The following RSPO2 variants were observed in gnomAD, a reference collection of about 807,000 sequenced individuals.
RSPO2 encodes R-spondin-2.
A neutral mutation model predicts 30.9 loss-of-function variants in RSPO2; 14 were observed. The observed-to-expected ratio is 0.45, with a 90% CI of 0.30 to 0.71. RSPO2 has a LOEUF of 0.71. RSPO2 is among the 30% of genes least tolerant of loss of function. The pLI, the probability that RSPO2 is intolerant of heterozygous loss-of-function variation, is 0.08. For missense variants in RSPO2, 264 were observed against 301.9 expected (o/e 0.87, Z 0.93); for synonymous variants, 107 against 96.4 (o/e 1.11, Z -0.64).
At position 108,048,051 on chromosome 8, in the gene RSPO2, G is replaced by T. The variant is rs556812249; in HGVS notation, c.94+34494C>A. 3.9e-5 allele frequency among the ~76,000 whole-genome samples: 6 copies of T among 152,026 alleles called. No homozygotes were observed. In the South Asian group the frequency reaches 8.3e-4, roughly 21 times the overall value. On this transcript the variant is annotated intron_variant, in intron 2 of 5. Transcript: ENST00000276659. ...TTTATTATGTGCTAAGTACTATGCC[G>T]CGTGCTTCTTAGGTATTGCTATTGA... is the stretch of plus-strand genomic sequence containing the variant.
At chr8:107,914,130 A>C (rs909876322) in intron 5 of RSPO2, among the ~76,000 whole-genome samples, 1 of 152,144 alleles carries the variant, frequency 6.6e-6, no homozygotes. Flanking sequence ...TTGACATATA[A>C]AGAGTATCAG....
chr8:107,943,925 G>A (rs1812976575), intron 5 of RSPO2, among the ~76,000 whole-genome samples: 1 of 152,192 alleles, frequency 6.6e-6, no homozygotes, highest in Admixed American at 6.5e-5. Flanking sequence ...AGAACAGAGG[G>A]AGAGGGGGAC....
chr8:107,947,782 A>G (rs1813113875), intron 5 of RSPO2, among the ~76,000 whole-genome samples: 1 of 152,246 alleles, frequency 6.6e-6, no homozygotes, highest in Admixed American at 6.5e-5. Flanking sequence ...TACACAAGGT[A>G]AAATTCAAAC....
chr8:107,955,272 C>T (rs1346899435), intron 5 of RSPO2, among the ~76,000 whole-genome samples: 1 of 152,006 alleles, frequency 6.6e-6, no homozygotes, highest in African/African-American at 2.4e-5. Flanking sequence ...CCTCAGAGAT[C>T]ACCTATCCCC....
At position 108,057,517 on chromosome 8, in the gene RSPO2, C is replaced by T. The variant is rs543121220; in HGVS notation, c.94+25028G>A. Among the ~76,000 whole-genome samples, 64 of 152,244 alleles carry T rather than the reference C, an allele frequency of 4.2e-4. No individual in the cohort carries two copies. In the South Asian group the frequency reaches 0.013, roughly 31 times the overall value. ...CAAGGACAGTGTAAAGTCTTTACTA[C>T]CTGCTTCCAAGACAAACACCTAAAT... On this transcript the variant is annotated intron_variant, in intron 2 of 5. Transcript: ENST00000276659.
chr8:108,044,117 G>T (rs893510567), intron 2 of RSPO2, among the ~76,000 whole-genome samples: 1 of 151,442 alleles, frequency 6.6e-6, no homozygotes, highest in African/African-American at 2.4e-5. Context: ...TACCTAAAGT[G>T]GGTTTACAGT....
chr8:108,019,286 G>A (rs1442753997), intron 2 of RSPO2, among the ~76,000 whole-genome samples: 1 of 152,050 alleles, frequency 6.6e-6, no homozygotes, highest in Non-Finnish European at 1.5e-5. Context: ...CTCAGGAGAT[G>A]GAGGTTGCAG....
At chr8:107,962,261 A>T (rs1320590148) in intron 3 of RSPO2, among the ~76,000 whole-genome samples, 6 of 152,208 alleles carry the variant, frequency 3.9e-5, no homozygotes. Flanking sequence ...GATTTCAGTG[A>T]TTTAAAGGCT....
intron 5 of RSPO2, among the ~76,000 whole-genome samples, chr8:107,949,186 T>A (rs1003346805): frequency 6.6e-6 from 1 of 152,256 alleles, no homozygotes; most frequent in Admixed American, 6.5e-5. Context: ...TCCCCAAAGT[T>A]CATTATTTCA....
intron 3 of RSPO2, among the ~76,000 whole-genome samples, chr8:107,981,669 T>C (rs1224341740): frequency 6.6e-6 from 1 of 152,134 alleles, no homozygotes; most frequent in Admixed American, 6.6e-5. Context: ...TTCTTATATG[T>C]TAAAAATTAC....
At chr8:107,985,050 C>G (rs1359742565) in intron 3 of RSPO2, among the ~76,000 whole-genome samples, 1 of 152,086 alleles carries the variant, frequency 6.6e-6, no homozygotes, top group Non-Finnish European at 1.5e-5. Context: ...AAAAGGGGAG[C>G]AGTGACTCTG....
chr8:107,901,849 G>A (rs953135344), intron 5 of RSPO2, among the ~76,000 whole-genome samples: 4 of 152,232 alleles, frequency 2.6e-5, no homozygotes, highest in Admixed American at 2.0e-4. Flanking sequence ...CTGGTGGTAT[G>A]TGTCTAACTA....
At chr8:107,974,952 C>T (rs1297628590) in intron 3 of RSPO2, among the ~76,000 whole-genome samples, 1 of 151,946 alleles carries the variant, frequency 6.6e-6, no homozygotes, top group Non-Finnish European at 1.5e-5. Context: ...TTTCTTTAAC[C>T]GATGCAGTAA....
chr8:108,051,496 C>T (rs1005362796), intron 2 of RSPO2, among the ~76,000 whole-genome samples: 1 of 152,176 alleles, frequency 6.6e-6, no homozygotes, highest in Non-Finnish European at 1.5e-5. Flanking sequence ...GTTAAGAACA[C>T]TACCAATTAC....
intron 5 of RSPO2, among the ~76,000 whole-genome samples, chr8:107,920,979 ACT>A (rs961621822): frequency 1.3e-5 from 2 of 152,102 alleles, no homozygotes; most frequent in Non-Finnish European, 2.9e-5. Flanking sequence ...AAAAGTGTGT[ACT>A]TTTTGATTCT....
intron 2 of RSPO2, among the ~76,000 whole-genome samples, chr8:108,025,428 A>G (rs1314614081): frequency 6.6e-6 from 1 of 152,254 alleles, no homozygotes; most frequent in Non-Finnish European, 1.5e-5. Flanking sequence ...TGTGTGCAAC[A>G]GAATAAATGG....
At chr8:108,041,203 C>CAAAAAAAAAAAAAAAAAA (rs55937336) in intron 2 of RSPO2, among the ~76,000 whole-genome samples, 3 of 100,380 alleles carry the variant, frequency 3.0e-5, no homozygotes, top group Admixed American at 1.1e-4. Flanking sequence ...CAAAAAGTGG[C>CAAAAAAAAAAAAAAAAAA]AAAAAAAAAA....
chr8:107,993,343 T>G (rs1814913549), intron 2 of RSPO2, among the ~76,000 whole-genome samples: 1 of 152,074 alleles, frequency 6.6e-6, no homozygotes, highest in South Asian at 2.1e-4. Context: ...ATGAACAGAA[T>G]AGACAAATTA....
chr8:107,915,387 G>A (rs980560870), intron 5 of RSPO2, among the ~76,000 whole-genome samples: 4 of 152,094 alleles, frequency 2.6e-5, no homozygotes, highest in African/African-American at 4.8e-5. Context: ...CTGTAGCACC[G>A]TGGTGGGGTG....
Sources: gnomAD v4.1 joint callset for allele counts (sites outside exome capture counted in the v4.1 genomes callset) on GRCh38, gnomAD v4.1.1 for gene constraint, MANE v1.5 for transcripts, NCBI Gene and HGNC (gene_info 2026-07-23, HGNC 2026-07-21) for gene names.